Variants in STX7 observed in about 807,000 individuals in gnomAD.
The protein encoded by STX7 is syntaxin-7.
Under a neutral mutation model 39.6 loss-of-function variants are expected in STX7, and 34 were observed. The ratio of observed to expected loss-of-function variants is 0.86; its 90% CI spans 0.65 to 1.14. STX7 has a LOEUF of 1.14. Ranked by LOEUF, STX7 falls within the 50% of genes most tolerant of loss-of-function variation. The probability of loss-of-function intolerance (pLI) is 0.00; values close to 1 mark genes in which losing one functional copy is unlikely to be tolerated. For missense variants in STX7, 284 were observed against 310.4 expected, an observed-to-expected ratio of 0.92 and a Z score of 0.64; for synonymous variants, 119 against 99.1, an observed-to-expected ratio of 1.20 and a Z score of -1.19.
rs1774244987 is a variant in STX7, at chr6:132,456,406, T to G, written c.*4352A>C. The G allele has an allele frequency of 6.6e-6, 1 of 152,180 alleles. No homozygotes were observed. Among genetic ancestry groups the G allele is most frequent in the Non-Finnish European group, 1.5e-5 (1 of 68,030 alleles). The allele number at this position is 152,180 out of a possible 1,614,324, so 9.4% of individuals were successfully genotyped here. ...TTTTTATATGCCAAATAACAAAACA[T>G]AAACTCCCTGAGGGCAGGAAGCTTA... On this transcript the variant is annotated 3_prime_UTR_variant, in exon 10 of 10. Coordinates refer to ENST00000367941, the MANE Select transcript of STX7 (RefSeq NM_003569.3).
chr6:132,511,070 G>C (rs903622636), intron 1 of STX7, among the ~76,000 whole-genome samples: 2 of 152,156 alleles, frequency 1.3e-5, no homozygotes, highest in African/African-American at 4.8e-5. Context: ...TCTGAGGGGT[G>C]GGGGGTGAGC....
At chr6:132,502,976 C>T (rs974357624) in intron 2 of STX7, among the ~76,000 whole-genome samples, 5 of 152,042 alleles carry the variant, frequency 3.3e-5, no homozygotes, top group African/African-American at 1.2e-4. Context: ...ACGTCCTCTC[C>T]TTAGTTCCTC....
rs548155945 is a variant in STX7 at position 132,459,025 on chromosome 6, G to T, written c.*1733C>A. On this transcript the variant is annotated 3_prime_UTR_variant, in exon 10 of 10. Coordinates refer to ENST00000367941, the MANE Select transcript of STX7 (RefSeq NM_003569.3). ...CGGAACTGATTGTGAAAGCCATGGGGATGGGACTTTAAAACAGCGGTAAGA... is the reference window on the plus strand; with the variant it reads ...CGGAACTGATTGTGAAAGCCATGGGTATGGGACTTTAAAACAGCGGTAAGA... 6.6e-6 allele frequency: 1 copy of T among 152,308 alleles called. No individual in the cohort carries two copies. Among genetic ancestry groups the T allele is most frequent in the East Asian group, 1.9e-4 (1 of 5,188 alleles). The allele number at this position is 152,308 out of a possible 1,614,324, so 9.4% of individuals were successfully genotyped here.
In STX7 at chr6:132,453,828, G is replaced by A. The variant is rs901415499; in HGVS notation, c.*6930C>T. 2 of 151,746 alleles carry A rather than the reference G, an allele frequency of 1.3e-5. No homozygotes were observed. Among genetic ancestry groups the A allele is most frequent in the Admixed American group, 1.3e-4 (2 of 15,192 alleles). 9.4% of individuals were successfully genotyped at this position (151,746 alleles called of 1,614,324 possible). A position where few individuals can be genotyped will look rare whatever the true frequency, so the allele number is the denominator to read the frequency against. ...CAACTAGATCACTCATACACCACTG[G>A]TGGGTATATAAAATAGTACAGCTAC... is the stretch of plus-strand genomic sequence containing the variant. On this transcript the variant is annotated 3_prime_UTR_variant, in exon 10 of 10. Transcript: ENST00000367941.
At chr6:132,512,402 T>C (rs1338972914) in intron 1 of STX7, among the ~76,000 whole-genome samples, 3 of 152,214 alleles carry the variant, frequency 2.0e-5, no homozygotes, top group African/African-American at 7.2e-5. Context: ...AAATATTTTA[T>C]GTACGTTTAA....
chr6:132,464,154 A>C, intron 8 of STX7, 79 bp from the exon 9 acceptor site: 2 of 1,351,260 alleles, frequency 1.5e-6, no homozygotes, highest in Admixed American at 3.4e-5. Context: ...ATTTCATTCA[A>C]GGTAAGATTA....
chr6:132,510,557 T>G lies in STX7; in HGVS notation c.-59+2450A>C, dbSNP rs553637498. Among the ~76,000 whole-genome samples the G allele has an allele frequency of 1.2e-4, 19 of 152,208 alleles. 1 individual carries two copies. Among genetic ancestry groups the G allele is most frequent in the Admixed American group, 2.0e-4 (3 of 15,280 alleles). ...GCTCTCGTTTTTAAAAAATTAAAAT[T>G]AATTAAAATTAAGTTAAATGAAAAA... On this transcript the variant is annotated intron_variant, in intron 1 of 9. Transcript: ENST00000367941.
chr6:132,463,000 T>TCGCTTGAG (rs1774449868), intron 9 of STX7, among the ~76,000 whole-genome samples: 1 of 152,046 alleles, frequency 6.6e-6, no homozygotes, highest in Non-Finnish European at 1.5e-5. Flanking sequence ...GATGGGTGGA[T>TCGCTTGAG]CGCTTGAGCC....
intron 3 of STX7, among the ~76,000 whole-genome samples, chr6:132,473,160 A>AAAAAAT (rs1774777417): frequency 6.6e-6 from 1 of 152,242 alleles, no homozygotes; most frequent in South Asian, 2.1e-4. Flanking sequence ...CTCTTGTCTC[A>AAAAAAT]AAAAATAAAA....
chr6:132,472,185 C>A, intron 4 of STX7, 97 bp downstream of exon 4: 1 of 852,048 alleles, frequency 1.2e-6, no homozygotes, highest in Non-Finnish European at 1.8e-6. Context: ...TCCTTTCTAG[C>A]ATAATTTCCT....
At position 132,464,185 on chromosome 6, in the gene STX7, G is replaced by GTTAA. The variant is rs1774498566; in HGVS notation, c.611-114_611-111dup. ...GATTAAATATGGTCATTATTCAAAG[G>GTTAA]TTAATAGTAGTATATCATAAAGTTG... On this transcript the variant is annotated intron_variant, in intron 8 of 9. Coordinates refer to ENST00000367941, the MANE Select transcript of STX7 (RefSeq NM_003569.3). 7 of 1,051,412 alleles carry GTTAA rather than the reference G, an allele frequency of 6.7e-6. No individual in the cohort carries two copies. The Admixed American group carries it at 1.3e-4, about 19-fold the overall frequency. 65.1% of individuals were successfully genotyped at this position (1,051,412 alleles called of 1,614,324 possible).
intron 2 of STX7, among the ~76,000 whole-genome samples, chr6:132,498,225 T>C (rs1027731212): frequency 3.3e-5 from 5 of 152,118 alleles, no homozygotes; most frequent in Non-Finnish European, 2.9e-5. Flanking sequence ...ACCAGTTTTA[T>C]TATTTTAATA....
In STX7 at chr6:132,464,117, A is replaced by G. The variant is rs755445268; in HGVS notation, c.611-42T>C. On this transcript the variant is annotated intron_variant, in intron 8 of 9. Transcript: ENST00000367941. ...ACACACACAAATGTGTTAAACATGGATTGATGCTCCAGTAACAAATCACTA... is the reference window on the plus strand; with the variant it reads ...ACACACACAAATGTGTTAAACATGGGTTGATGCTCCAGTAACAAATCACTA... 6.5e-6 allele frequency: 10 copies of G among 1,539,210 alleles called. No homozygotes were observed. The African/African-American group carries it at 1.4e-4, about 21-fold the overall frequency.
rs1774173651 is a variant in STX7 at position 132,453,339 on chromosome 6, A to G, written c.*7419T>C. 1 of 152,110 alleles carries G rather than the reference A, an allele frequency of 6.6e-6. No homozygotes were observed. 9.4% of individuals were successfully genotyped at this position (152,110 alleles called of 1,614,324 possible). A position where few individuals can be genotyped will look rare whatever the true frequency, so the allele number is the denominator to read the frequency against. On this transcript the variant is annotated 3_prime_UTR_variant, in exon 10 of 10. Transcript: ENST00000367941. ...AAGAGAAAATTTGGGGGATCTAAGGAGAGAGGCAAAGTTCTTGATACCAGA... is the reference window on the plus strand; with the variant it reads ...AAGAGAAAATTTGGGGGATCTAAGGGGAGAGGCAAAGTTCTTGATACCAGA...
intron 1 of STX7, among the ~76,000 whole-genome samples, chr6:132,508,459 C>T (rs1775761444): frequency 6.6e-6 from 1 of 152,190 alleles, no homozygotes; most frequent in Admixed American, 6.5e-5. Flanking sequence ...TGGCTTCATT[C>T]ACCCAAAGAG....
At chr6:132,477,692 T>G (rs1387798251) in intron 2 of STX7, among the ~76,000 whole-genome samples, 1 of 152,106 alleles carries the variant, frequency 6.6e-6, no homozygotes, top group African/African-American at 2.4e-5. Context: ...ATTGACAAAT[T>G]TGACTACATA....
At chr6:132,499,090 C>A (rs552498766) in intron 2 of STX7, among the ~76,000 whole-genome samples, 5 of 152,350 alleles carry the variant, frequency 3.3e-5, no homozygotes, top group African/African-American at 1.2e-4. Context: ...CGTAGCCTCA[C>A]CTCTATACGG....
intron 1 of STX7, among the ~76,000 whole-genome samples, chr6:132,503,952 T>C (rs905127012): frequency 2.6e-5 from 4 of 152,226 alleles, no homozygotes; most frequent in Non-Finnish European, 5.9e-5. Context: ...AGGGCCCACA[T>C]GCTTATTTAT....
intron 7 of STX7, among the ~76,000 whole-genome samples, chr6:132,469,246 G>A (rs1273396346): frequency 6.6e-6 from 1 of 152,100 alleles, no homozygotes; most frequent in African/African-American, 2.4e-5. Context: ...ATAGTAAAGA[G>A]AAATAAAATT....
Sources: allele counts gnomAD v4.1 joint callset (sites outside exome capture counted in the v4.1 genomes callset), GRCh38; gene constraint gnomAD v4.1.1; transcripts MANE v1.5; gene names NCBI Gene and HGNC (gene_info 2026-07-23, HGNC 2026-07-21).